The following MRPL13 variants were observed in gnomAD, a reference collection of about 807,000 sequenced individuals.
MRPL13 encodes the protein mitochondrial ribosomal protein L13.
A neutral mutation model predicts 29.0 loss-of-function variants in MRPL13; 33 were observed. That is an observed-to-expected ratio of 1.14 (90% CI 0.86 to 1.52). The LOEUF (loss-of-function observed/expected upper bound fraction) is 1.52. Among genes scored for constraint, MRPL13 ranks in the 40% most tolerant of loss-of-function variants. MRPL13 has a pLI of 0.00. For synonymous variants in MRPL13, 77 were observed against 68.4 expected (o/e 1.13, Z -0.62); for missense variants, 227 against 216.7 (o/e 1.05, Z -0.30).
At chr8:120,410,144 A>C (rs746564257) in intron 6 of MRPL13, among the ~76,000 whole-genome samples, 1 of 152,180 alleles carries the variant, frequency 6.6e-6, no homozygotes, top group Non-Finnish European at 1.5e-5. Flanking sequence ...AAATTATAAG[A>C]TGTACATTCT....
chr8:120,414,215 C>T (rs1023057531), intron 5 of MRPL13, 103 bp from the exon 6 acceptor site: 12 of 885,158 alleles, frequency 1.4e-5, no homozygotes, highest in South Asian at 9.3e-5. Flanking sequence ...AAAGAATGCT[C>T]GTAGAATAAG....
chr8:120,418,245 A>T (rs999748057), intron 5 of MRPL13, among the ~76,000 whole-genome samples: 2 of 152,042 alleles, frequency 1.3e-5, no homozygotes, highest in South Asian at 2.1e-4. Context: ...TTCTTTTTTT[A>T]AAAAATTGCA....
At chr8:120,423,276 G>A (rs558890604) in intron 4 of MRPL13, among the ~76,000 whole-genome samples, 10 of 151,776 alleles carry the variant, frequency 6.6e-5, no homozygotes, top group African/African-American at 9.7e-5. Context: ...GAGAGGTACT[G>A]AATCATGTAC....
intron 6 of MRPL13, among the ~76,000 whole-genome samples, chr8:120,410,258 C>A (rs915274950): frequency 6.6e-6 from 1 of 152,178 alleles, no homozygotes; most frequent in Non-Finnish European, 1.5e-5. Flanking sequence ...ACATTTGTTT[C>A]AGTCAAGTCT....
intron 6 of MRPL13, among the ~76,000 whole-genome samples, chr8:120,402,889 AT>A (rs1812616616): frequency 6.6e-6 from 1 of 152,234 alleles, no homozygotes; most frequent in African/African-American, 2.4e-5. Context: ...CAACAAACAT[AT>A]GAAAAAAAGC....
intron 2 of MRPL13, among the ~76,000 whole-genome samples, chr8:120,432,715 G>C (rs369296986): frequency 6.6e-6 from 1 of 151,878 alleles, no homozygotes; most frequent in Non-Finnish European, 1.5e-5. Flanking sequence ...CTATGACTAC[G>C]TAAATATATT....
At chr8:120,443,332 A>AAG (rs397755102) in intron 1 of MRPL13, 24 bp from the exon 2 acceptor site, 5 of 1,496,252 alleles carry the variant, frequency 3.3e-6, no homozygotes, top group Non-Finnish European at 4.5e-6. Context: ...AAAAAAAAAA[A>AAG]GAAGAGGAAA....
intron 6 of MRPL13, among the ~76,000 whole-genome samples, chr8:120,398,006 C>A (rs1281965751): frequency 6.6e-6 from 1 of 152,118 alleles, no homozygotes; most frequent in Non-Finnish European, 1.5e-5. Flanking sequence ...AGGGATGGAG[C>A]CCCTGGCGGG....
At chr8:120,397,373 T>C (rs1051048874) in intron 6 of MRPL13, among the ~76,000 whole-genome samples, 5 of 152,160 alleles carry the variant, frequency 3.3e-5, no homozygotes, top group Admixed American at 2.0e-4. Flanking sequence ...GGTGTTGTTC[T>C]GCGGGCCCCA....
chr8:120,432,159 A>C, intron 2 of MRPL13, 36 bp from the exon 3 acceptor site: 1 of 1,500,242 alleles, frequency 6.7e-7, no homozygotes, highest in Non-Finnish European at 9.0e-7. Flanking sequence ...TTGTAAGAAA[A>C]ATAAAAACCT....
intron 6 of MRPL13, among the ~76,000 whole-genome samples, chr8:120,409,159 T>C (rs1419300377): frequency 6.6e-6 from 1 of 152,176 alleles, no homozygotes; most frequent in East Asian, 1.9e-4. Context: ...CAAGCATGTA[T>C]TGATGCTGAA....
At chr8:120,402,733 G>A (rs1014106196) in intron 6 of MRPL13, among the ~76,000 whole-genome samples, 18 of 152,202 alleles carry the variant, frequency 1.2e-4, no homozygotes, top group African/African-American at 4.3e-4. Context: ...GGGAGAAAAT[G>A]TTTGTAATCT....
intron 3 of MRPL13, among the ~76,000 whole-genome samples, chr8:120,430,612 TAGG>T (rs1362049430): frequency 6.6e-6 from 1 of 152,148 alleles, no homozygotes; most frequent in Non-Finnish European, 1.5e-5. Context: ...AATGGATAAA[TAGG>T]AGAATTCCTC....
intron 2 of MRPL13, among the ~76,000 whole-genome samples, chr8:120,435,776 C>T (rs1332191245): frequency 6.6e-6 from 1 of 152,156 alleles, no homozygotes; most frequent in Non-Finnish European, 1.5e-5. Context: ...TCTCCTCAGC[C>T]TTGCCAATGT....
intron 4 of MRPL13, among the ~76,000 whole-genome samples, chr8:120,421,161 T>C (rs1325683620): frequency 6.6e-6 from 1 of 151,844 alleles, no homozygotes; most frequent in Non-Finnish European, 1.5e-5. Flanking sequence ...GTACGTGCCA[T>C]TTGTGCCATA....
intron 2 of MRPL13, among the ~76,000 whole-genome samples, chr8:120,436,426 T>A (rs1813054864): frequency 6.6e-6 from 1 of 152,208 alleles, no homozygotes; most frequent in Admixed American, 6.5e-5. Flanking sequence ...CCCTAATGGC[T>A]ACTTATATTG....
intron 5 of MRPL13, among the ~76,000 whole-genome samples, chr8:120,418,656 C>T (rs566421648): frequency 1.9e-4 from 29 of 152,114 alleles, no homozygotes; most frequent in African/African-American, 7.0e-4. Context: ...TACACTCAAA[C>T]GTATCTTGTA....
intron 2 of MRPL13, among the ~76,000 whole-genome samples, chr8:120,436,675 G>T (rs1026697200): frequency 6.6e-6 from 1 of 152,256 alleles, no homozygotes; most frequent in East Asian, 1.9e-4. Context: ...TAAAGTGCAG[G>T]TGATTCAGTC....
rs1812516667 is a variant in MRPL13 at position 120,395,866 on chromosome 8, T to C, written c.*238A>G. On this transcript the variant is annotated 3_prime_UTR_variant, in exon 7 of 7. Coordinates refer to ENST00000306185, the MANE Select transcript of MRPL13 (RefSeq NM_014078.6). ...AAATAGTCAACCAAGTAAGTGATTT[T>C]ATTATTATCAACTATAACATTCAAA... 3 of 382,890 alleles carry C rather than the reference T, an allele frequency of 7.8e-6. No homozygotes were observed. Among genetic ancestry groups the C allele is most frequent in the Non-Finnish European group, 9.3e-6 (2 of 214,852 alleles). The allele number at this position is 382,890 out of a possible 1,614,324, so 23.7% of individuals were successfully genotyped here.
Sources: gnomAD v4.1 joint callset for allele counts (sites outside exome capture counted in the v4.1 genomes callset) on GRCh38, gnomAD v4.1.1 for gene constraint, MANE v1.5 for transcripts, NCBI Gene and HGNC (gene_info 2026-07-23, HGNC 2026-07-21) for gene names.